FKBP1B: variants seen among roughly 807,000 people sequenced by gnomAD.
FKBP1B encodes the protein FKBP prolyl isomerase 1B.
In FKBP1B, 4 loss-of-function variants were observed where a neutral mutation model predicts 13.5. That is an observed-to-expected ratio of 0.30 (90% CI 0.15 to 0.68). FKBP1B has a LOEUF of 0.68. Among genes scored for constraint, FKBP1B ranks in the 30% least tolerant of loss-of-function variants. The pLI, the probability that FKBP1B is intolerant of heterozygous loss-of-function variation, is 0.76. For missense variants in FKBP1B, 93 were observed against 136.2 expected (o/e 0.68, Z 1.58); for synonymous variants, 54 against 53.6 (o/e 1.01, Z -0.03).
chr2:24,062,789 A>G (rs767700955), intron 3 of FKBP1B, among the ~76,000 whole-genome samples: 11 of 152,230 alleles, frequency 7.2e-5, no homozygotes, highest in Non-Finnish European at 1.3e-4. Context: ...TTTCAGTCAT[A>G]CACAAATTGA....
the FKBP1B span, among the ~76,000 whole-genome samples, chr2:24,036,343 TA>T: frequency 5.8e-3 from 801 of 138,666 alleles, no homozygotes; most frequent in African/African-American, 0.01. Context: ...CTGTCTCTGC[TA>T]AAAAAAAAAA....
At chr2:24,059,373 G>GGGGA (rs70944711) in intron 2 of FKBP1B, among the ~76,000 whole-genome samples, 2,918 of 54,174 alleles carry the variant, frequency 0.054, 56 homozygotes, top group Non-Finnish European at 0.091. Context: ...ACCAGCACCT[G>GGGGA]GGGGGGGGTT....
the FKBP1B span, among the ~76,000 whole-genome samples, chr2:24,042,894 G>A: frequency 3.3e-5 from 5 of 151,572 alleles, no homozygotes; most frequent in South Asian, 2.1e-4. Flanking sequence ...TTAGCTGGGC[G>A]TGGTGGCACA....
chr2:24,063,093 C>T lies in FKBP1B; in HGVS notation c.228C>T (p.Thr76=), dbSNP rs562907246. 6.2e-7 allele frequency: 1 copy of T among 1,614,176 alleles called. No individual in the cohort carries two copies. The highest frequency in any genetic ancestry group is 2.2e-5 in the East Asian group (1 of 44,880). Residue 76 remains threonine, a synonymous_variant, in exon 4 of 4, where the codon ACC becomes ACT. Transcript: ENST00000380986. The part of the protein sequence containing the change: ...QMSLGQRAKL[T]CTPDVAYGAT... ...GCTTGGGGCAGAGGGCGAAGCTGAC[C>T]TGCACCCCTGATGTGGCATATGGAG... is the stretch of plus-strand genomic sequence containing the variant.
chr2:24,060,407 C>T (rs530028490), intron 2 of FKBP1B, among the ~76,000 whole-genome samples: 1 of 152,148 alleles, frequency 6.6e-6, no homozygotes, highest in Admixed American at 6.5e-5. Flanking sequence ...CAAAAATCAG[C>T]TGAGTGTGGT....
chr2:24,057,593 G>A (rs1475480289), intron 2 of FKBP1B, among the ~76,000 whole-genome samples: 1 of 151,930 alleles, frequency 6.6e-6, no homozygotes, highest in African/African-American at 2.4e-5. Flanking sequence ...GGCTGGTCTC[G>A]AACTCCCTAC....
At chr2:24,056,798 C>T (rs558213030) in intron 2 of FKBP1B, among the ~76,000 whole-genome samples, 1 of 152,276 alleles carries the variant, frequency 6.6e-6, no homozygotes, top group Non-Finnish European at 1.5e-5. Context: ...TCAAGTGATT[C>T]TCCTGCCTCA....
At chr2:24,061,229 C>T (rs1424855158) in intron 3 of FKBP1B, among the ~76,000 whole-genome samples, 2 of 152,128 alleles carry the variant, frequency 1.3e-5, no homozygotes, top group African/African-American at 4.8e-5. Context: ...CTTTGGGAGG[C>T]CGAATGGGGT....
chr2:24,038,678 C>T, the FKBP1B span: 2 of 1,614,196 alleles, frequency 1.2e-6, no homozygotes, highest in Non-Finnish European at 1.7e-6. Flanking sequence ...GAAACTGATA[C>T]TTCAGAATTT....
chr2:24,043,577 G>C, the FKBP1B span, among the ~76,000 whole-genome samples: 1 of 152,282 alleles, frequency 6.6e-6, no homozygotes, highest in African/African-American at 2.4e-5. Flanking sequence ...TTATCAAATA[G>C]TTGTGTAAAC....
At chr2:24,035,668 G>A in the FKBP1B span, among the ~76,000 whole-genome samples, 10 of 151,340 alleles carry the variant, frequency 6.6e-5, no homozygotes, top group African/African-American at 1.5e-4. Context: ...TAATCCCAGC[G>A]CTTTGGGAGG....
At chr2:24,035,102 G>C in the FKBP1B span, among the ~76,000 whole-genome samples, 154 of 151,510 alleles carry the variant, frequency 1.0e-3, no homozygotes, top group African/African-American at 3.6e-3. Context: ...CTATATCTGT[G>C]ATTTTCTCTA....
the FKBP1B span, chr2:24,038,247 AGAAG>A: frequency 1.2e-6 from 2 of 1,614,006 alleles, no homozygotes; most frequent in African/African-American, 2.7e-5. Flanking sequence ...CAGACTTTGA[AGAAG>A]GAAGAAATGT....
chr2:24,063,138 C>G lies in FKBP1B; in HGVS notation c.273C>G (p.Val91=). 1 of 1,613,228 alleles carries G rather than the reference C, an allele frequency of 6.2e-7. No individual in the cohort carries two copies. Among genetic ancestry groups the G allele is most frequent in the Admixed American group, 1.7e-5 (1 of 59,862 alleles). Residue 91 remains valine, a synonymous_variant, in exon 4 of 4, where the codon GTC becomes GTG. Coordinates refer to ENST00000380986, the MANE Select transcript of FKBP1B (RefSeq NM_004116.5). ...ATGGAGCCACGGGCCACCCCGGTGT[C>G]ATCCCTCCCAATGCCACCCTCATCT... ...VAYGATGHPG[V]IPPNATLIFD... is the part of the protein sequence containing the mutation.
intron 3 of FKBP1B, 130 bp from the exon 4 acceptor site, chr2:24,062,934 A>C (rs1168729797): frequency 7.3e-7 from 1 of 1,374,560 alleles, no homozygotes; most frequent in Non-Finnish European, 1.0e-6. Context: ...ATCCCATGTA[A>C]AATTCATCTG....
chr2:24,055,101 G>C (rs762534780), intron 2 of FKBP1B, among the ~76,000 whole-genome samples: 4 of 151,718 alleles, frequency 2.6e-5, no homozygotes, highest in Non-Finnish European at 4.4e-5. Flanking sequence ...GAGAAGCATA[G>C]AACATACAAG....
intron 1 of FKBP1B, among the ~76,000 whole-genome samples, chr2:24,051,350 A>AAG (rs1663861011): frequency 6.6e-6 from 1 of 151,846 alleles, no homozygotes; most frequent in Non-Finnish European, 1.5e-5. Context: ...AAAAAAGAAA[A>AAG]AAAATGCATG....
the FKBP1B span, among the ~76,000 whole-genome samples, chr2:24,043,815 G>A: frequency 6.6e-6 from 1 of 151,934 alleles, no homozygotes; most frequent in Non-Finnish European, 1.5e-5. Flanking sequence ...TACCAACCTG[G>A]TGATTTGCTT....
intron 2 of FKBP1B, among the ~76,000 whole-genome samples, chr2:24,058,386 A>G (rs1664234391): frequency 6.6e-6 from 1 of 150,826 alleles, no homozygotes; most frequent in African/African-American, 2.4e-5. Context: ...CTGTTGACTC[A>G]ACAACCTTAA....
Sources: allele counts gnomAD v4.1 joint callset (sites outside exome capture counted in the v4.1 genomes callset), GRCh38; gene constraint gnomAD v4.1.1; transcripts MANE v1.5; gene names NCBI Gene and HGNC (gene_info 2026-07-23, HGNC 2026-07-21).